Variants in MAGI2 observed in about 807,000 individuals in gnomAD.
MAGI2 encodes membrane-associated guanylate kinase, WW and PDZ domain-containing protein 2.
Under a neutral mutation model 133.3 loss-of-function variants are expected in MAGI2, and 35 were observed. The ratio of observed to expected loss-of-function variants is 0.26; its 90% CI spans 0.20 to 0.35. MAGI2 has a LOEUF of 0.35. Among genes scored for constraint, MAGI2 ranks in the 10% least tolerant of loss-of-function variants. The probability of loss-of-function intolerance (pLI) is 1.00; values close to 1 mark genes in which losing one functional copy is unlikely to be tolerated. For synonymous variants in MAGI2, 729 were observed against 710.6 expected (o/e 1.03, Z -0.41); for missense variants, 1,636 against 1,863.4 (o/e 0.88, Z 2.25).
chr7:78,169,039 G>A (rs968675720), intron 14 of MAGI2, among the ~76,000 whole-genome samples: 5 of 152,128 alleles, frequency 3.3e-5, no homozygotes, highest in African/African-American at 1.2e-4. Context: ...GGTGGCTACT[G>A]TGCCAGGAAG....
chr7:79,166,399 C>A (rs1223118211), intron 1 of MAGI2, among the ~76,000 whole-genome samples: 1 of 152,074 alleles, frequency 6.6e-6, no homozygotes, highest in Non-Finnish European at 1.5e-5. Context: ...GAAGAAAATT[C>A]TGTCAACAGT....
At chr7:78,959,194 A>G (rs79362576) in intron 2 of MAGI2, among the ~76,000 whole-genome samples, 3,820 of 152,210 alleles carry the variant, frequency 0.025, 160 homozygotes, top group African/African-American at 0.086. Flanking sequence ...GAAAGAAAAG[A>G]GACACCTTAG....
intron 2 of MAGI2, among the ~76,000 whole-genome samples, chr7:78,949,913 G>A (rs1801731494): frequency 1.3e-5 from 2 of 152,174 alleles, no homozygotes; most frequent in Non-Finnish European, 2.9e-5. Flanking sequence ...CAATGCCTGA[G>A]CACATCTTGG....
chr7:79,162,670 C>T (rs1824488171), intron 1 of MAGI2, among the ~76,000 whole-genome samples: 1 of 152,016 alleles, frequency 6.6e-6, no homozygotes, highest in African/African-American at 2.4e-5. Flanking sequence ...GATAAAAATA[C>T]CTTGCAACAA....
At chr7:78,671,373 G>T (rs12705708) in intron 2 of MAGI2, among the ~76,000 whole-genome samples, 55,851 of 151,286 alleles carry the variant, frequency 0.37, 10,370 homozygotes, top group Admixed American at 0.43. Flanking sequence ...ATTTTAAACA[G>T]ATACTTTGCA....
At chr7:78,770,752 G>A (rs1482677594) in intron 2 of MAGI2, 1 of 152,226 alleles carries the variant, frequency 6.6e-6, no homozygotes, top group Non-Finnish European at 1.5e-5. Context: ...TTCCCCAGGG[G>A]TTGAGGAGCA....
chr7:78,045,772 G>A (rs1270952001), intron 21 of MAGI2, among the ~76,000 whole-genome samples: 1 of 152,116 alleles, frequency 6.6e-6, no homozygotes, highest in Non-Finnish European at 1.5e-5. Context: ...GAGCATGCAT[G>A]CAGGGTGCTT....
Position 79,038,151 on chromosome 7 carries a change from T to C in MAGI2, c.302-30945A>G, listed in dbSNP as rs985985727. On this transcript the variant is annotated intron_variant, in intron 1 of 21. Coordinates refer to ENST00000354212, the MANE Select transcript of MAGI2 (RefSeq NM_012301.4). ...GACAGTGATATTCTAACTGTATTAT[T>C]TCATCTTCATTAGCTGGCATATTTT... 2.0e-5 allele frequency among the ~76,000 whole-genome samples: 3 copies of C among 152,204 alleles called. No individual in the cohort carries two copies. The South Asian group carries it at 6.2e-4, about 32-fold the overall frequency.
chr7:78,141,275 A>G (rs889701642), intron 16 of MAGI2, among the ~76,000 whole-genome samples: 5 of 152,120 alleles, frequency 3.3e-5, no homozygotes, highest in South Asian at 4.1e-4. Flanking sequence ...AAGTGTTCCC[A>G]TCTCTTTAAT....
chr7:78,173,541 G>A (rs532436356), intron 14 of MAGI2, among the ~76,000 whole-genome samples: 3 of 152,318 alleles, frequency 2.0e-5, no homozygotes, highest in Non-Finnish European at 4.4e-5. Context: ...CTCTATTAAA[G>A]TAAGTATCAT....
chr7:78,503,949 G>A (rs1441707917), intron 4 of MAGI2, among the ~76,000 whole-genome samples: 1 of 113,730 alleles, frequency 8.8e-6, no homozygotes, highest in East Asian at 2.2e-4. Flanking sequence ...CCCAGTCTCA[G>A]GTATTTCTTC....
intron 2 of MAGI2, among the ~76,000 whole-genome samples, chr7:78,838,509 A>AGTGTGT (rs34844201): frequency 0.056 from 8,278 of 147,776 alleles, 246 homozygotes; most frequent in Middle Eastern, 0.11. Context: ...TATGTGTGTG[A>AGTGTGT]GTGTGTGTGT....
At chr7:78,337,708 A>C (rs1485402819) in intron 9 of MAGI2, among the ~76,000 whole-genome samples, 2 of 152,212 alleles carry the variant, frequency 1.3e-5, no homozygotes, top group Non-Finnish European at 2.9e-5. Flanking sequence ...TAAAAAAGAA[A>C]ATTAATTTTG....
chr7:78,898,625 G>A (rs536175966), intron 2 of MAGI2, among the ~76,000 whole-genome samples: 2 of 152,186 alleles, frequency 1.3e-5, no homozygotes, highest in South Asian at 2.1e-4. Context: ...GACACATAGA[G>A]GGGAACAACA....
chr7:78,129,850 G>A (rs1182102812), intron 18 of MAGI2, among the ~76,000 whole-genome samples: 2 of 146,740 alleles, frequency 1.4e-5, no homozygotes, highest in Admixed American at 7.1e-5. Flanking sequence ...CAGGAGAATC[G>A]CTTGAACCTG....
At chr7:78,633,278 C>CA (rs141567205) in intron 2 of MAGI2, among the ~76,000 whole-genome samples, 7,003 of 152,116 alleles carry the variant, frequency 0.046, 226 homozygotes, top group East Asian at 0.083. Flanking sequence ...GGGACAGGAG[C>CA]AAAAAGATAA....
chr7:78,592,539 G>A (rs938383371), intron 3 of MAGI2, among the ~76,000 whole-genome samples: 1 of 152,060 alleles, frequency 6.6e-6, no homozygotes, highest in African/African-American at 2.4e-5. Context: ...TTATATGATG[G>A]AGCATTTGAA....
intron 18 of MAGI2, among the ~76,000 whole-genome samples, chr7:78,131,267 C>T (rs1821534342): frequency 6.6e-6 from 1 of 152,230 alleles, no homozygotes; most frequent in African/African-American, 2.4e-5. Context: ...CTCACCTCTG[C>T]ATCATTTGCT....
At chr7:78,500,085 TC>T (rs1460404131) in intron 5 of MAGI2, among the ~76,000 whole-genome samples, 2 of 152,248 alleles carry the variant, frequency 1.3e-5, no homozygotes, top group African/African-American at 4.8e-5. Flanking sequence ...TGATTCATTT[TC>T]TGCAAAACAT....
Sources: gnomAD v4.1 joint callset for allele counts (sites outside exome capture counted in the v4.1 genomes callset) on GRCh38, gnomAD v4.1.1 for gene constraint, MANE v1.5 for transcripts, NCBI Gene and HGNC (gene_info 2026-07-23, HGNC 2026-07-21) for gene names.